CSMD1: variants seen among roughly 807,000 people sequenced by gnomAD.
CSMD1 encodes the protein CUB and Sushi multiple domains 1.
In CSMD1, 213 loss-of-function variants were observed where a neutral mutation model predicts 417.5. That is an observed-to-expected ratio of 0.51 (90% confidence interval 0.46 to 0.57). The LOEUF (loss-of-function observed/expected upper bound fraction) is 0.57, where lower values mean the gene tolerates loss of function less well. Among genes scored for constraint, CSMD1 ranks in the 20% least tolerant of loss-of-function variants. CSMD1 has a pLI of 0.00. For synonymous variants in CSMD1, 2,862 were observed against 1,736.8 expected (o/e 1.65, Z -16.11); for missense variants, 6,923 against 4,529.7 (o/e 1.53, Z -15.17).
intron 3 of CSMD1, among the ~76,000 whole-genome samples, chr8:4,375,596 A>G (rs1802682012): frequency 6.6e-6 from 1 of 152,138 alleles, no homozygotes; most frequent in East Asian, 1.9e-4. Context: ...ACTGAGGAAG[A>G]AGGCTCACTG....
At chr8:4,194,695 A>T (rs1799229146) in intron 3 of CSMD1, among the ~76,000 whole-genome samples, 1 of 152,186 alleles carries the variant, frequency 6.6e-6, no homozygotes, top group Non-Finnish European at 1.5e-5. Context: ...TACAACACAA[A>T]GCCATTTGCC....
At chr8:3,056,307 T>A (rs1812214759) in intron 49 of CSMD1, among the ~76,000 whole-genome samples, 1 of 152,204 alleles carries the variant, frequency 6.6e-6, no homozygotes, top group Non-Finnish European at 1.5e-5. Flanking sequence ...CTTCTTTGGA[T>A]ATCTAAGATC....
At chr8:2,983,803 T>C (rs1805626950) in intron 54 of CSMD1, among the ~76,000 whole-genome samples, 1 of 152,170 alleles carries the variant, frequency 6.6e-6, no homozygotes, top group Non-Finnish European at 1.5e-5. Flanking sequence ...TGTTCTTATG[T>C]GTGTTGATTT....
Position 4,495,156 on chromosome 8 carries a change from G to A in CSMD1, c.303-75091C>T, listed in dbSNP as rs1040849872. 9.9e-5 allele frequency among the ~76,000 whole-genome samples: 15 copies of A among 152,202 alleles called. No homozygotes were observed. In the South Asian group the frequency reaches 2.3e-3, roughly 23 times the overall value. On this transcript the variant is annotated intron_variant, in intron 2 of 69. Coordinates refer to ENST00000635120, the MANE Select transcript of CSMD1 (RefSeq NM_033225.6). ...ATTATAAACAAGTGAGGTAGGAACC[G>A]GGACTTCCATTATACTTAGCATTAC...
chr8:3,980,811 A>G (rs1023342466), intron 5 of CSMD1, among the ~76,000 whole-genome samples: 1 of 152,102 alleles, frequency 6.6e-6, no homozygotes, highest in Non-Finnish European at 1.5e-5. Flanking sequence ...CCCTTGGCCA[A>G]CCACTAATGT....
chr8:3,202,349 C>G (rs1311394224), intron 31 of CSMD1, among the ~76,000 whole-genome samples: 2 of 152,176 alleles, frequency 1.3e-5, no homozygotes, highest in African/African-American at 2.4e-5. Context: ...TTCATACACA[C>G]TGACTTATAC....
chr8:3,519,705 G>T (rs1347755763), intron 10 of CSMD1, among the ~76,000 whole-genome samples: 1 of 152,100 alleles, frequency 6.6e-6, no homozygotes, highest in African/African-American at 2.4e-5. Flanking sequence ...TGAATAAAGT[G>T]GTGCACGCTA....
At chr8:4,694,793 T>A (rs907429341) in intron 1 of CSMD1, among the ~76,000 whole-genome samples, 1 of 152,168 alleles carries the variant, frequency 6.6e-6, no homozygotes, top group African/African-American at 2.4e-5. Flanking sequence ...CTGCGCGTCC[T>A]TAACCTTGGC....
intron 26 of CSMD1, among the ~76,000 whole-genome samples, chr8:3,250,233 A>G (rs541676167): frequency 6.6e-6 from 1 of 152,028 alleles, no homozygotes; most frequent in South Asian, 2.1e-4. Flanking sequence ...AACAGGCCCC[A>G]GTGTGTGATG....
In CSMD1 at chr8:4,435,085, G is replaced by T. The variant is rs555396861; in HGVS notation, c.303-15020C>A. 1.2e-4 allele frequency among the ~76,000 whole-genome samples: 18 copies of T among 152,134 alleles called. 1 individual carries two copies. In the South Asian group the frequency reaches 3.7e-3, roughly 32 times the overall value. ...GTAATATATCGGTGTAATAAAAATGGAAGCCATTAACAGTAGATGCTAAAA... is the reference window on the plus strand; with the variant it reads ...GTAATATATCGGTGTAATAAAAATGTAAGCCATTAACAGTAGATGCTAAAA... On this transcript the variant is annotated intron_variant, in intron 2 of 69. Transcript: ENST00000635120.
chr8:3,102,534 T>C (rs1211142839), intron 46 of CSMD1, among the ~76,000 whole-genome samples: 1 of 151,846 alleles, frequency 6.6e-6, no homozygotes, highest in Non-Finnish European at 1.5e-5. Flanking sequence ...ATAACGCTCA[T>C]GTTGTGTTGA....
intron 1 of CSMD1, among the ~76,000 whole-genome samples, chr8:4,664,872 TG>T (rs1193715682): frequency 6.6e-6 from 1 of 152,182 alleles, no homozygotes; most frequent in East Asian, 1.9e-4. Context: ...TAAAACACAA[TG>T]TATATATATT....
At chr8:3,784,675 A>G (rs939684336) in intron 5 of CSMD1, among the ~76,000 whole-genome samples, 7 of 152,368 alleles carry the variant, frequency 4.6e-5, no homozygotes, top group Admixed American at 1.3e-4. Context: ...GGATATTGTC[A>G]GCAAATTTTC....
chr8:3,386,500 T>A (rs535909956), intron 18 of CSMD1, among the ~76,000 whole-genome samples: 5 of 152,318 alleles, frequency 3.3e-5, no homozygotes, highest in African/African-American at 1.2e-4. Flanking sequence ...CGTGCTTTGG[T>A]GACAAAGGTC....
chr8:3,240,775 T>A (rs184689962), intron 26 of CSMD1, among the ~76,000 whole-genome samples: 1 of 152,050 alleles, frequency 6.6e-6, no homozygotes, highest in Non-Finnish European at 1.5e-5. Context: ...CACCACTGGG[T>A]GGATAGGCAA....
intron 1 of CSMD1, among the ~76,000 whole-genome samples, chr8:4,832,471 G>T (rs772940769): frequency 6.6e-6 from 1 of 152,150 alleles, no homozygotes; most frequent in Non-Finnish European, 1.5e-5. Flanking sequence ...ATTACAAATT[G>T]TTCATGTAAA....
intron 5 of CSMD1, among the ~76,000 whole-genome samples, chr8:3,848,640 T>A (rs982473917): frequency 2.0e-5 from 3 of 152,176 alleles, no homozygotes; most frequent in Non-Finnish European, 4.4e-5. Flanking sequence ...ATAGATGGAA[T>A]TTAATTTTAA....
intron 23 of CSMD1, among the ~76,000 whole-genome samples, chr8:3,338,182 C>T (rs765364095): frequency 2.0e-5 from 3 of 152,268 alleles, no homozygotes; most frequent in Admixed American, 1.3e-4. Context: ...TATTTGATAT[C>T]TGAATCCAGT....
At chr8:4,289,893 G>T (rs921199920) in intron 3 of CSMD1, among the ~76,000 whole-genome samples, 44 of 152,264 alleles carry the variant, frequency 2.9e-4, no homozygotes, top group African/African-American at 9.6e-4. Context: ...AAACAGGAAT[G>T]AATCAAATGG....
Sources: allele counts gnomAD v4.1 joint callset (sites outside exome capture counted in the v4.1 genomes callset), GRCh38; gene constraint gnomAD v4.1.1; transcripts MANE v1.5; gene names NCBI Gene and HGNC (gene_info 2026-07-23, HGNC 2026-07-21).